The following KCNQ4 variants were observed in gnomAD, a reference collection of about 807,000 sequenced individuals.
KCNQ4 encodes the protein potassium voltage-gated channel subfamily KQT member 4.
In KCNQ4, 31 loss-of-function variants were observed where a neutral mutation model predicts 72.6. That is an observed-to-expected ratio of 0.43 (90% CI 0.32 to 0.58). The LOEUF (loss-of-function observed/expected upper bound fraction) is 0.58. Ranked by LOEUF, KCNQ4 falls within the 20% of genes least tolerant of loss-of-function variation. KCNQ4 has a pLI of 0.08. For synonymous variants in KCNQ4, 405 were observed against 403.7 expected (o/e 1.00, Z -0.04); for missense variants, 869 against 962.6 (o/e 0.90, Z 1.29).
intron 1 of KCNQ4, among the ~76,000 whole-genome samples, chr1:40,815,720 G>T (rs755004905): frequency 6.6e-6 from 1 of 151,908 alleles, no homozygotes; most frequent in Non-Finnish European, 1.5e-5. Context: ...CCCCAAAAAG[G>T]TCAGGAACCC....
At chr1:40,815,750 G>C (rs888213951) in intron 1 of KCNQ4, among the ~76,000 whole-genome samples, 1 of 152,134 alleles carries the variant, frequency 6.6e-6, no homozygotes, top group South Asian at 2.1e-4. Flanking sequence ...AGGTGTAAGT[G>C]AGCCAGGGCA....
chr1:40,832,993 G>T, intron 10 of KCNQ4, 21 bp from the exon 11 acceptor site: 1 of 1,598,122 alleles, frequency 6.3e-7, no homozygotes, highest in Non-Finnish European at 8.6e-7. Flanking sequence ...TGGGCCACTT[G>T]CCCCATACCT....
intron 9 of KCNQ4, among the ~76,000 whole-genome samples, chr1:40,830,126 A>G (rs941254007): frequency 6.6e-6 from 1 of 152,116 alleles, no homozygotes; most frequent in East Asian, 1.9e-4. Flanking sequence ...AGTAGGCAGT[A>G]TCGGGGGGTA....
chr1:40,824,700 C>T (rs1558021941), intron 9 of KCNQ4, among the ~76,000 whole-genome samples: 1 of 152,198 alleles, frequency 6.6e-6, no homozygotes, highest in East Asian at 1.9e-4. Flanking sequence ...ACCCCCTCCC[C>T]CGGCATGTTG....
chr1:40,808,061 T>G (rs950304346), intron 1 of KCNQ4, among the ~76,000 whole-genome samples: 1 of 150,768 alleles, frequency 6.6e-6, no homozygotes, highest in Non-Finnish European at 1.5e-5. Flanking sequence ...GAGCTATGAT[T>G]GCACCACTGC....
chr1:40,827,516 T>C (rs529250386), intron 9 of KCNQ4, among the ~76,000 whole-genome samples: 39 of 152,156 alleles, frequency 2.6e-4, no homozygotes, highest in Non-Finnish European at 5.3e-4. Context: ...CAGAGCTGGG[T>C]CATGCAGAAC....
intron 4 of KCNQ4, 150 bp downstream of exon 4, chr1:40,818,830 G>T: frequency 1.2e-6 from 1 of 853,342 alleles, no homozygotes; most frequent in Non-Finnish European, 1.9e-6. Context: ...AGGAGGCGAG[G>T]TCTAAGCGGG....
chr1:40,821,766 G>C (rs1269856697), intron 7 of KCNQ4, among the ~76,000 whole-genome samples: 5 of 152,158 alleles, frequency 3.3e-5, no homozygotes, highest in African/African-American at 9.7e-5. Flanking sequence ...CAGTCTAGGG[G>C]GAGAGAAAGT....
intron 1 of KCNQ4, among the ~76,000 whole-genome samples, chr1:40,805,997 A>C (rs1165204372): frequency 6.6e-6 from 1 of 152,168 alleles, no homozygotes; most frequent in South Asian, 2.1e-4. Flanking sequence ...GCCCACCACC[A>C]CGCCTGGCTA....
At position 40,784,973 on chromosome 1, in the gene KCNQ4, G is replaced by C. The variant is rs200361655; in HGVS notation, c.314+566G>C. On this transcript the variant is annotated intron_variant, in intron 1 of 13. Transcript: ENST00000347132. This position sits in a 1 kb window ranked among gnomAD's most constrained non-coding sequence, Gnocchi z 4.1. ...CCCCTGGGCCCTGACACTCGCATAT[G>C]CTGTGTCCGACTTGATCTGTGTCTT... 1.1e-3 allele frequency among the ~76,000 whole-genome samples: 166 copies of C among 152,312 alleles called. No homozygotes were observed. Among genetic ancestry groups the C allele is most frequent in the East Asian group, 7.9e-3 (41 of 5,162 alleles).
In KCNQ4 at chr1:40,838,423, A is replaced by T. The variant is rs941726067; in HGVS notation, c.1988A>T (p.Asp663Val). The T allele has an allele frequency of 6.2e-7, 1 of 1,614,060 alleles. No homozygotes were observed. The highest frequency in any genetic ancestry group is 1.1e-5 in the South Asian group (1 of 91,082). ...GAVQVPLFDP[D>V]ITSDYHSPVD... is the part of the protein sequence containing the mutation. ...GTGCAAGTGCCGCTGTTCGACCCCG[A>T]CATCACCTCCGACTACCACAGCCCT... Residue 663 changes from aspartate to valine, a missense_variant, in exon 14 of 14, where the codon GAC becomes GTC. This residue lies in a region of KCNQ4 where 480 missense variants were observed against 501.9 expected (regional missense o/e 0.96). Transcript: ENST00000347132.
intron 1 of KCNQ4, among the ~76,000 whole-genome samples, chr1:40,802,423 G>A (rs1444916574): frequency 2.0e-5 from 3 of 152,172 alleles, no homozygotes; most frequent in Non-Finnish European, 4.4e-5. Context: ...GCCGCGGGGA[G>A]GTAATCGGAG....
chr1:40,834,567 G>A (rs2361656), intron 11 of KCNQ4, among the ~76,000 whole-genome samples: 133,816 of 151,220 alleles, frequency 0.88, 59,402 homozygotes, highest in East Asian at 1. Context: ...CAGCATAGTG[G>A]GACCCCCATC....
At chr1:40,801,656 C>T (rs540246871) in intron 1 of KCNQ4, among the ~76,000 whole-genome samples, 46 of 152,324 alleles carry the variant, frequency 3.0e-4, no homozygotes, top group Non-Finnish European at 5.4e-4. Flanking sequence ...GCACCTGTGC[C>T]TGGGCTGGAT....
chr1:40,821,139 C>T (rs1315897130), intron 7 of KCNQ4, among the ~76,000 whole-genome samples: 2 of 152,212 alleles, frequency 1.3e-5, no homozygotes, highest in African/African-American at 2.4e-5. Flanking sequence ...TGGCCACTGT[C>T]CCCTGGGAGC....
Position 40,835,061 on chromosome 1 carries a change from C to G in KCNQ4, c.1708C>G (p.Leu570Val), listed in dbSNP as rs1285069953. ...CATTGAGCAGTACTCAGCAGGCCACCTGGACATGCTGGGCCGGATCAAGAG... is the reference window on the plus strand; with the variant it reads ...CATTGAGCAGTACTCAGCAGGCCACGTGGACATGCTGGGCCGGATCAAGAG... ...DVIEQYSAGH[L>V]DMLGRIKSLQ... Residue 570 changes from leucine (L) to valine (V), a missense_variant, in exon 12 of 14, where the codon CTG becomes GTG. By Grantham distance (32) the Leu-to-Val change is conservative. This residue lies in a region of KCNQ4 where 480 missense variants were observed against 501.9 expected (regional missense o/e 0.96). Transcript: ENST00000347132. 1.2e-6 allele frequency: 2 copies of G among 1,614,064 alleles called. No homozygotes were observed. The highest frequency in any genetic ancestry group is 1.7e-6 in the Non-Finnish European group (2 of 1,179,936).
intron 1 of KCNQ4, among the ~76,000 whole-genome samples, chr1:40,810,340 C>A (rs902759389): frequency 6.6e-6 from 1 of 152,198 alleles, no homozygotes; most frequent in Non-Finnish European, 1.5e-5. Flanking sequence ...TTTGGTTGTG[C>A]GGAAGGCTTC....
chr1:40,838,693 A>G lies in KCNQ4; in HGVS notation c.*170A>G, dbSNP rs941609989. On this transcript the variant is annotated 3_prime_UTR_variant, in exon 14 of 14. Coordinates refer to ENST00000347132, the MANE Select transcript of KCNQ4 (RefSeq NM_004700.4). ...GGGCGTGGTACCTGCTGTGGGTGCC[A>G]GCGCCCCTTCCCCACCTCAGGAGCG... 5 of 681,808 alleles carry G rather than the reference A, an allele frequency of 7.3e-6. No homozygotes were observed. Among genetic ancestry groups the G allele is most frequent in the African/African-American group, 1.8e-5 (1 of 56,544 alleles). 42.2% of individuals were successfully genotyped at this position (681,808 alleles called of 1,614,324 possible).
chr1:40,798,861 C>T (rs370109350), intron 1 of KCNQ4, among the ~76,000 whole-genome samples: 1 of 152,370 alleles, frequency 6.6e-6, no homozygotes, highest in African/African-American at 2.4e-5. Flanking sequence ...TGCCCTCCTG[C>T]ATCAAGGGTT....
Sources: allele counts gnomAD v4.1 joint callset (sites outside exome capture counted in the v4.1 genomes callset), GRCh38; gene constraint gnomAD v4.1.1; regional missense constraint gnomAD v4.1.1; non-coding constraint Gnocchi (gnomAD v3.1); transcripts MANE v1.5; gene names NCBI Gene and HGNC (gene_info 2026-07-23, HGNC 2026-07-21).